BCL11A: variants seen among roughly 807,000 people sequenced by gnomAD.
BCL11A encodes B cell CLL/lymphoma 11A.
A neutral mutation model predicts 55.9 loss-of-function variants in BCL11A; 2 were observed. The observed-to-expected ratio is 0.04, with a 90% CI of 0.01 to 0.11. The LOEUF is 0.11. BCL11A is among the 10% of genes least tolerant of loss of function. The probability of loss-of-function intolerance (pLI) is 1.00; values close to 1 mark genes in which losing one functional copy is unlikely to be tolerated. For synonymous variants in BCL11A, 465 were observed against 473.4 expected (o/e 0.98, Z 0.23); for missense variants, 817 against 1,137.1 (o/e 0.72, Z 4.05).
intron 3 of BCL11A, 151 bp downstream of exon 3, chr2:60,468,581 G>T: frequency 1.8e-6 from 1 of 545,360 alleles, no homozygotes; most frequent in Non-Finnish European, 3.2e-6. Context: ...TGAGTGGAGT[G>T]GGGAGCGGCT....
chr2:60,459,498 GA>G lies in BCL11A; in HGVS notation c.*905del. ...TTTTGTTTATAAAATTAAACTAAAG[GA>G]AAAATGATGATTAACTAGGACATAA... On this transcript the variant is annotated 3_prime_UTR_variant, in exon 4 of 4. Transcript: ENST00000642384. 1 of 1,021,296 alleles carries G rather than the reference GA, an allele frequency of 9.8e-7. No homozygotes were observed. The highest frequency in any genetic ancestry group is 1.7e-5 in the African/African-American group (1 of 58,718). The allele number at this position is 1,021,296 out of a possible 1,614,324, so 63.3% of individuals were successfully genotyped here.
intron 2 of BCL11A, among the ~76,000 whole-genome samples, chr2:60,493,184 T>C (rs1483469863): frequency 4.2e-5 from 1 of 23,906 alleles, no homozygotes; most frequent in Non-Finnish European, 1.5e-4. Context: ...TACTGTTGAG[T>C]TGTATTCCAC....
At chr2:60,547,050 A>C (rs916902340) in intron 1 of BCL11A, among the ~76,000 whole-genome samples, 2 of 152,236 alleles carry the variant, frequency 1.3e-5, no homozygotes, top group Admixed American at 1.3e-4. Flanking sequence ...TTTCTCAGAC[A>C]CATTAGCTAA....
chr2:60,528,294 C>T lies in BCL11A; in HGVS notation c.385+17677G>A, dbSNP rs150078276. The T allele has an allele frequency of 1.3e-4, 20 of 152,532 alleles. 1 individual carries two copies. The highest frequency in any genetic ancestry group is 4.1e-4 in the African/African-American group (17 of 41,516). The allele number at this position is 152,532 out of a possible 1,614,324, so 9.4% of individuals were successfully genotyped here. On this transcript the variant is annotated intron_variant, in intron 2 of 3. Transcript: ENST00000642384. The stretch of plus-strand genomic sequence containing the variant: ...CAAGCCTCACCACTTCTTAAAAGTC[C>T]GAGCTTAGTTTCTCATTCAGCCCAC...
intron 1 of BCL11A, among the ~76,000 whole-genome samples, chr2:60,547,342 G>A (rs1005754937): frequency 6.6e-6 from 1 of 151,914 alleles, no homozygotes; most frequent in South Asian, 2.1e-4. Flanking sequence ...AATCACCAGC[G>A]GATGGTATAA....
intron 2 of BCL11A, among the ~76,000 whole-genome samples, chr2:60,496,061 C>T (rs1678930087): frequency 6.6e-6 from 1 of 152,168 alleles, no homozygotes; most frequent in African/African-American, 2.4e-5. Flanking sequence ...TGTGAAAAGT[C>T]AATTGATAAT....
chr2:60,505,822 G>T (rs539465180), intron 2 of BCL11A, among the ~76,000 whole-genome samples: 74 of 152,330 alleles, frequency 4.9e-4, no homozygotes, highest in South Asian at 2.3e-3. Flanking sequence ...GCCAATTACA[G>T]ATATCTCTGA....
intron 2 of BCL11A, among the ~76,000 whole-genome samples, chr2:60,539,057 C>T (rs1297795723): frequency 1.3e-5 from 2 of 152,132 alleles, no homozygotes; most frequent in Admixed American, 6.5e-5. Context: ...CGCTATAGAT[C>T]AAAGGAGAAC....
chr2:60,518,060 A>G (rs1668814048), intron 2 of BCL11A, among the ~76,000 whole-genome samples: 2 of 152,200 alleles, frequency 1.3e-5, no homozygotes, highest in African/African-American at 4.8e-5. Context: ...GGAAGGCCAC[A>G]GAGGGAAGAT....
chr2:60,532,463 A>C (rs923120016), intron 2 of BCL11A, among the ~76,000 whole-genome samples: 9 of 151,468 alleles, frequency 5.9e-5, no homozygotes, highest in Admixed American at 2.6e-4. Context: ...CTTCAGAAAG[A>C]CAGCTTCTGG....
rs917932850 is a variant in BCL11A, at chr2:60,504,586, A to G, written c.386-35753T>C. 4.6e-5 allele frequency among the ~76,000 whole-genome samples: 7 copies of G among 152,304 alleles called. No homozygotes were observed. The South Asian group carries it at 1.0e-3, about 23-fold the overall frequency. ...AAGGCAAAAAGCAAATAGCAGAATG[A>G]GTCTGCTGAAACAGCCAACTCTGTC... On this transcript the variant is annotated intron_variant, in intron 2 of 3. Coordinates refer to ENST00000642384, the MANE Select transcript of BCL11A (RefSeq NM_022893.4).
chr2:60,525,531 G>A (rs1272405079), intron 2 of BCL11A: 1 of 152,006 alleles, frequency 6.6e-6, no homozygotes, highest in Non-Finnish European at 1.5e-5. Context: ...GTCTTTGCAG[G>A]TGAGCCCCAT....
At chr2:60,490,567 CAAG>C (rs1379771535) in intron 2 of BCL11A, among the ~76,000 whole-genome samples, 2 of 152,212 alleles carry the variant, frequency 1.3e-5, no homozygotes, top group Non-Finnish European at 2.9e-5. Context: ...GTCACCTTAG[CAAG>C]AAGAATCAAT....
chr2:60,480,365 T>A (rs1450739013), intron 2 of BCL11A, among the ~76,000 whole-genome samples: 2 of 152,244 alleles, frequency 1.3e-5, no homozygotes, highest in Admixed American at 1.3e-4. Flanking sequence ...TACCTCTGAC[T>A]GTCCAGCACC....
intron 3 of BCL11A, among the ~76,000 whole-genome samples, chr2:60,467,156 G>GTAGTGGTGGTGTTGGTGGTGA (rs1676699130): frequency 7.4e-6 from 1 of 134,554 alleles, no homozygotes; most frequent in African/African-American, 3.3e-5. Flanking sequence ...GATGGTGGTG[G>GTAGTGGTGGTGTTGGTGGTGA]TGGTGGTGGT....
At chr2:60,473,240 GT>G (rs35836068) in intron 2 of BCL11A, among the ~76,000 whole-genome samples, 43,565 of 140,324 alleles carry the variant, frequency 0.31, 7,238 homozygotes, top group East Asian at 0.76. Context: ...TAATTTCCCT[GT>G]TTTTTTTTTT....
In BCL11A at chr2:60,461,714, T is replaced by C. The variant is rs1237467532; in HGVS notation, c.1198A>G (p.Thr400Ala). ...TTGCACTTGTAGGGCTTCTCGCCCG[T>C]GTGGCTGCGCCGGTGCACCACCAGG... The part of the protein sequence containing the change: ...SNLVVHRRSH[T>A]GEKPYKCNLC... Residue 400 changes from threonine (T) to alanine (A), a missense_variant, in exon 4 of 4, where the codon ACG becomes GCG. Around this residue, in one of 4 missense-constraint regions of BCL11A, gnomAD observed 45 missense variants for 109.0 expected, o/e 0.41. Coordinates refer to ENST00000642384, the MANE Select transcript of BCL11A (RefSeq NM_022893.4). 6.2e-7 allele frequency: 1 copy of C among 1,614,016 alleles called. No homozygotes were observed. The highest frequency in any genetic ancestry group is 8.5e-7 in the Non-Finnish European group (1 of 1,180,030).
chr2:60,508,716 C>G (rs1558654019), intron 2 of BCL11A: 1 of 152,250 alleles, frequency 6.6e-6, no homozygotes. Flanking sequence ...CTACAGGGGC[C>G]GTGGGAATAG....
downstream of BCL11A, among the ~76,000 whole-genome samples, chr2:60,454,190 G>A (rs753343857): frequency 1.3e-5 from 2 of 152,156 alleles, no homozygotes; most frequent in Non-Finnish European, 2.9e-5. Context: ...CATGTCCACA[G>A]TTCATAGCTA....
Sources: gnomAD v4.1 joint callset for allele counts (sites outside exome capture counted in the v4.1 genomes callset) on GRCh38, gnomAD v4.1.1 for gene constraint, gnomAD v4.1.1 regional missense constraint, MANE v1.5 for transcripts, NCBI Gene and HGNC (gene_info 2026-07-23, HGNC 2026-07-21) for gene names.